BPIFC: variants seen among roughly 807,000 people sequenced by gnomAD.
BPIFC encodes the protein BPI fold-containing family C protein.
BPIFC carries 60 observed loss-of-function variants against 57.6 expected under a neutral mutation model. The ratio of observed to expected loss-of-function variants is 1.04; its 90% CI spans 0.85 to 1.29. BPIFC has a LOEUF of 1.29. BPIFC is among the 50% of genes most tolerant of loss of function. BPIFC has a pLI of 0.00. For synonymous variants in BPIFC, 243 were observed against 224.5 expected (o/e 1.08, Z -0.74); for missense variants, 581 against 600.5 (o/e 0.97, Z 0.34).
Position 32,424,741 on chromosome 22 carries a change from C to T in BPIFC, c.1218-5337G>A, listed in dbSNP as rs12172261. ...CCTCTTCTTCTTCCTCTTCTTCTTC[C>T]TCTTCTTCTTCCTCTTCTTCTTCTT... On this transcript the variant is annotated intron_variant, in intron 13 of 16. Coordinates refer to ENST00000300399, the MANE Select transcript of BPIFC (RefSeq NM_174932.3). 3.5e-3 allele frequency among the ~76,000 whole-genome samples: 157 copies of T among 44,236 alleles called. 10 individuals are homozygous for T. Among genetic ancestry groups the T allele is most frequent in the Middle Eastern group, 0.023 (2 of 86 alleles). The allele number at this position is 44,236 out of a possible 152,430, so 29.0% of individuals were successfully genotyped here. A position where few individuals can be genotyped will look rare whatever the true frequency, so the allele number is the denominator to read the frequency against.
intron 10 of BPIFC, among the ~76,000 whole-genome samples, chr22:32,434,570 A>G (rs1284355811): frequency 6.6e-6 from 1 of 151,764 alleles, no homozygotes; most frequent in South Asian, 2.1e-4. Context: ...TATATATTAC[A>G]ATCTATCTAT....
At chr22:32,449,969 T>A (rs1233017697) in intron 4 of BPIFC, among the ~76,000 whole-genome samples, 1 of 151,732 alleles carries the variant, frequency 6.6e-6, no homozygotes, top group South Asian at 2.1e-4. Flanking sequence ...CTCCTGACCT[T>A]CTGATCCACC....
intron 13 of BPIFC, among the ~76,000 whole-genome samples, chr22:32,420,882 G>A (rs62241168): frequency 3.4e-4 from 52 of 152,264 alleles, no homozygotes; most frequent in Middle Eastern, 3.4e-3. Flanking sequence ...TACCTGCCTC[G>A]CAGGGCTGTA....
intron 1 of BPIFC, among the ~76,000 whole-genome samples, chr22:32,463,522 C>T (rs533500523): frequency 1.3e-5 from 2 of 152,150 alleles, no homozygotes; most frequent in Non-Finnish European, 2.9e-5. Context: ...ACACCTGAAA[C>T]TCACAGATGG....
chr22:32,424,789 CT>C (rs200172922), intron 13 of BPIFC, among the ~76,000 whole-genome samples: 1 of 103,638 alleles, frequency 9.6e-6, no homozygotes, highest in East Asian at 2.6e-4. Flanking sequence ...CTTCTTCTTC[CT>C]TTTTTTTTGA....
rs1569449124 is a variant in BPIFC at position 32,428,292 on chromosome 22, T to TGC, written c.1217+3054_1217+3055insGC. ...GTGCGCGCGCGTGTGTGTGTGTGTG[T>TGC]GTGCTTTTGGACAGGGTCTTGCTCT... On this transcript the variant is annotated intron_variant, in intron 13 of 16. Coordinates refer to ENST00000300399, the MANE Select transcript of BPIFC (RefSeq NM_174932.3). 9.2e-5 allele frequency among the ~76,000 whole-genome samples: 14 copies of TGC among 151,846 alleles called. 1 individual carries two copies. Among genetic ancestry groups the TGC allele is most frequent in the African/African-American group, 3.4e-4 (14 of 41,444 alleles).
intron 9 of BPIFC, 74 bp from the exon 10 acceptor site, chr22:32,435,954 C>T: frequency 2.0e-6 from 3 of 1,478,072 alleles, no homozygotes; most frequent in Non-Finnish European, 2.7e-6. Flanking sequence ...GAAGATGGAC[C>T]CTCTGAAGTC....
chr22:32,459,728 G>A (rs1263458588), intron 2 of BPIFC, among the ~76,000 whole-genome samples: 2 of 152,010 alleles, frequency 1.3e-5, no homozygotes, highest in African/African-American at 2.4e-5. Context: ...GTACACACCT[G>A]TAATCCCAGC....
intron 7 of BPIFC, among the ~76,000 whole-genome samples, chr22:32,442,984 T>C (rs920137646): frequency 1.3e-5 from 2 of 152,036 alleles, no homozygotes; most frequent in African/African-American, 2.4e-5. Flanking sequence ...AAAGAGTGAG[T>C]GAGCCCTTGT....
chr22:32,440,897 C>A (rs568844607), intron 8 of BPIFC, among the ~76,000 whole-genome samples: 1 of 152,192 alleles, frequency 6.6e-6, no homozygotes, highest in Admixed American at 6.5e-5. Flanking sequence ...CCCTTGACCC[C>A]CTTCCTTCCT....
intron 4 of BPIFC, among the ~76,000 whole-genome samples, chr22:32,452,030 C>T (rs1934907998): frequency 6.6e-6 from 1 of 151,936 alleles, no homozygotes; most frequent in Non-Finnish European, 1.5e-5. Flanking sequence ...CCTCCCATGT[C>T]ACTGGGACTA....
Position 32,414,099 on chromosome 22 carries a change from C to T in BPIFC, c.*204G>A. On this transcript the variant is annotated 3_prime_UTR_variant, in exon 17 of 17. Transcript: ENST00000300399. ...AACACAGACACACGCAGCATGCATACACTCACATTCAGACACCTCTATTTA... is the reference window on the plus strand; with the variant it reads ...AACACAGACACACGCAGCATGCATATACTCACATTCAGACACCTCTATTTA... 4.3e-6 allele frequency: 2 copies of T among 464,552 alleles called. No homozygotes were observed. The highest frequency in any genetic ancestry group is 7.4e-6 in the Non-Finnish European group (2 of 268,476). 28.8% of individuals were successfully genotyped at this position (464,552 alleles called of 1,614,324 possible).
chr22:32,443,471 A>G (rs2038709837), intron 7 of BPIFC, among the ~76,000 whole-genome samples: 2 of 152,182 alleles, frequency 1.3e-5, no homozygotes, highest in Admixed American at 1.3e-4. Flanking sequence ...CCCCAGAGCT[A>G]GAGCTTTTAC....
In BPIFC at chr22:32,442,706, A is replaced by T. The variant is rs1934598829; in HGVS notation, c.620T>A (p.Val207Asp). The change falls in exon 8 of 17, where the codon GTC (valine) becomes GAC (aspartate). Residue 207 changes from valine to aspartate, a missense_variant. Transcript: ENST00000300399. ...GCTGAGGTTGGCATTTAGCGCTTTGACTTCACTTGCAATAATGGGACAGAG... is the reference window on the plus strand; with the variant it reads ...GCTGAGGTTGGCATTTAGCGCTTTGTCTTCACTTGCAATAATGGGACAGAG... ...EMLCPIIASEVKALNANLSTL... is the reference protein window; with the variant it reads ...EMLCPIIASEDKALNANLSTL... The T allele has an allele frequency of 6.2e-7, 1 of 1,613,900 alleles. No individual in the cohort carries two copies. Among genetic ancestry groups the T allele is most frequent in the South Asian group, 1.1e-5 (1 of 91,024 alleles).
Position 32,424,642 on chromosome 22 carries a change from C to CTTCTTCT in BPIFC, c.1218-5239_1218-5238insAGAAGAA, listed in dbSNP as rs1556036523. Reference sequence around the variant, plus strand: ...TCCTCCTCCTCCTCTTCTTCTTCTTCTCTTCTTCTTCTTCTTCTTCTTCTT... The same window carrying CTTCTTCT: ...TCCTCCTCCTCCTCTTCTTCTTCTTCTTCTTCTTCTTCTTCTTCTTCTTCTTCTTCTT... On this transcript the variant is annotated intron_variant, in intron 13 of 16. Transcript: ENST00000300399. 3.2e-3 allele frequency among the ~76,000 whole-genome samples: 92 copies of CTTCTTCT among 28,756 alleles called. 2 individuals are homozygous for CTTCTTCT. The highest frequency in any genetic ancestry group is 0.011 in the East Asian group (13 of 1,156). The allele number at this position is 28,756 out of a possible 152,430, so 18.9% of individuals were successfully genotyped here.
rs1043331660 is a variant in BPIFC at position 32,457,849 on chromosome 22, T to C, written c.1-463A>G. The stretch of plus-strand genomic sequence containing the variant: ...TGGGATCCCACCACACTTTACACAG[T>C]GCATATGCGTCCATTAGAACATCTG... On this transcript the variant is annotated intron_variant, in intron 2 of 16. Transcript: ENST00000300399. Among the ~76,000 whole-genome samples, 3 of 152,178 alleles carry C rather than the reference T, an allele frequency of 2.0e-5. No individual in the cohort carries two copies. In the East Asian group the frequency reaches 5.8e-4, roughly 29 times the overall value.
chr22:32,461,657 G>GCAACT lies in BPIFC; in HGVS notation c.-85_-84insAGTTG, dbSNP rs925780559. 1.0e-6 allele frequency: 1 copy of GCAACT among 985,538 alleles called. No homozygotes were observed. Among genetic ancestry groups the GCAACT allele is most frequent in the African/African-American group, 1.7e-5 (1 of 57,352 alleles). 61.0% of individuals were successfully genotyped at this position (985,538 alleles called of 1,614,324 possible). On this transcript the variant is annotated 5_prime_UTR_variant, in exon 2 of 17. Coordinates refer to ENST00000300399, the MANE Select transcript of BPIFC (RefSeq NM_174932.3). ...TAGTTGCCCTTGGAGGTTAGTCAAG[G>GCAACT]TGTCCTGGAAAGGGGGATAAGTAGA...
At chr22:32,431,468 A>G in intron 12 of BPIFC, 54 bp from the exon 13 acceptor site, 2 of 1,184,404 alleles carry the variant, frequency 1.7e-6, no homozygotes, top group South Asian at 1.2e-5. Flanking sequence ...AATTTTGGCC[A>G]TCAGTATAAT....
chr22:32,462,154 G>C (rs1234251132), intron 1 of BPIFC, among the ~76,000 whole-genome samples: 1 of 111,710 alleles, frequency 9.0e-6, no homozygotes, highest in African/African-American at 3.5e-5. Context: ...TGGCGACAGA[G>C]CGAGACTCCA....
Sources: allele counts gnomAD v4.1 joint callset (sites outside exome capture counted in the v4.1 genomes callset), GRCh38; gene constraint gnomAD v4.1.1; transcripts MANE v1.5; gene names NCBI Gene and HGNC (gene_info 2026-07-23, HGNC 2026-07-21).